The following MGAT4C variants were observed in gnomAD, a reference collection of about 807,000 sequenced individuals.
MGAT4C encodes MGAT4 family member C.
A neutral mutation model predicts 40.1 loss-of-function variants in MGAT4C; 19 were observed. The ratio of observed to expected loss-of-function variants is 0.47; its 90% confidence interval spans 0.33 to 0.70. The LOEUF (loss-of-function observed/expected upper bound fraction) is 0.70. Among genes scored for constraint, MGAT4C ranks in the 30% least tolerant of loss-of-function variants. The pLI, the probability that MGAT4C is intolerant of heterozygous loss-of-function variation, is 0.02. For synonymous variants in MGAT4C, 181 were observed against 187.1 expected, an observed-to-expected ratio of 0.97 and a Z score of 0.27; for missense variants, 491 against 563.2, an observed-to-expected ratio of 0.87 and a Z score of 1.30.
Position 86,817,858 on chromosome 12 carries a change from T to C in MGAT4C, c.-262+20808A>G, listed in dbSNP as rs148221046. ...ATGCATTGGCTTTGATTTTAATCTG[T>C]ACACTAGGATAGAGTGTGGGCCTTT... is the stretch of plus-strand genomic sequence containing the variant. On this transcript the variant is annotated intron_variant, in intron 1 of 7. Coordinates refer to the MGAT4C transcript ENST00000548651. Among the ~76,000 whole-genome samples the C allele has an allele frequency of 1.2e-3, 180 of 151,616 alleles. 1 individual carries two copies. Among genetic ancestry groups the C allele is most frequent in the Middle Eastern group, 3.4e-3 (1 of 294 alleles).
chr12:86,405,968 CATAT>C (rs71076196), intron 3 of MGAT4C, among the ~76,000 whole-genome samples: 1 of 65,952 alleles, frequency 1.5e-5, no homozygotes, highest in Non-Finnish European at 3.0e-5. Flanking sequence ...TTATATTATA[CATAT>C]ATATATATAT....
intron 2 of MGAT4C, among the ~76,000 whole-genome samples, chr12:86,574,748 G>T (rs1228529490): frequency 1.3e-5 from 2 of 151,648 alleles, no homozygotes; most frequent in African/African-American, 4.8e-5. Flanking sequence ...GTGTGTGCCA[G>T]GCAAGTATAT....
intron 2 of MGAT4C, among the ~76,000 whole-genome samples, chr12:86,534,995 T>A (rs555353517): frequency 3.9e-5 from 6 of 152,134 alleles, no homozygotes; most frequent in African/African-American, 1.2e-4. Context: ...TAGGAAAAAA[T>A]TTCATGCAAA....
intron 3 of MGAT4C, among the ~76,000 whole-genome samples, chr12:86,350,746 G>C (rs1222526127): frequency 6.6e-6 from 1 of 152,040 alleles, no homozygotes; most frequent in Non-Finnish European, 1.5e-5. Context: ...TCAAATATTT[G>C]TAATAGCAAC....
At chr12:86,747,342 T>C (rs928485927) in intron 1 of MGAT4C, among the ~76,000 whole-genome samples, 2 of 151,652 alleles carry the variant, frequency 1.3e-5, no homozygotes, top group Admixed American at 6.6e-5. Flanking sequence ...TTAGAGAATT[T>C]AAATGGCTGT....
At chr12:86,347,619 C>T (rs1486453453) in intron 3 of MGAT4C, among the ~76,000 whole-genome samples, 1 of 152,124 alleles carries the variant, frequency 6.6e-6, no homozygotes, top group Non-Finnish European at 1.5e-5. Context: ...AAGACATTTT[C>T]ATATTTAAGT....
chr12:86,309,147 C>T (rs1954009667), intron 4 of MGAT4C, among the ~76,000 whole-genome samples: 1 of 150,458 alleles, frequency 6.6e-6, no homozygotes, highest in Non-Finnish European at 1.5e-5. Context: ...CTTTAACTTG[C>T]TTGCTGATTC....
intron 2 of MGAT4C, among the ~76,000 whole-genome samples, chr12:86,523,954 C>A (rs780516956): frequency 6.6e-6 from 1 of 151,980 alleles, no homozygotes; most frequent in Non-Finnish European, 1.5e-5. Context: ...TTTCTTCATC[C>A]CTTTATTTTG....
chr12:86,353,710 A>C (rs1300801231), intron 3 of MGAT4C, among the ~76,000 whole-genome samples: 1 of 152,188 alleles, frequency 6.6e-6, no homozygotes, highest in Non-Finnish European at 1.5e-5. Flanking sequence ...TAAAATACTC[A>C]GAAAATAATC....
intron 1 of MGAT4C, among the ~76,000 whole-genome samples, chr12:86,165,503 A>G (rs17357233): frequency 0.073 from 11,073 of 152,206 alleles, 570 homozygotes; most frequent in Middle Eastern, 0.23. Flanking sequence ...CCATTTGTTC[A>G]TATGTTCACA....
In MGAT4C at chr12:86,665,670, C is replaced by T. The variant is rs767761773; in HGVS notation, c.-229+61539G>A. On this transcript the variant is annotated intron_variant, in intron 2 of 7. Coordinates refer to the MGAT4C transcript ENST00000548651. ...ACAGGCGTGAGCCACCGCTCCCAGC[C>T]GGAAAAGTTATACAACTTTTATACA... Among the ~76,000 whole-genome samples, 16 of 151,972 alleles carry T rather than the reference C, an allele frequency of 1.1e-4. 1 individual carries two copies. The highest frequency in any genetic ancestry group is 3.9e-4 in the African/African-American group (16 of 41,368).
chr12:86,140,507 G>A (rs1298822227), intron 1 of MGAT4C, among the ~76,000 whole-genome samples: 10 of 152,024 alleles, frequency 6.6e-5, no homozygotes, highest in South Asian at 2.1e-4. Context: ...GGGGCCTGTC[G>A]GGGGGTGGGA....
At chr12:86,203,014 CTG>C (rs10587166) in intron 1 of MGAT4C, among the ~76,000 whole-genome samples, 9,600 of 147,340 alleles carry the variant, frequency 0.065, 330 homozygotes, top group Middle Eastern at 0.16. Flanking sequence ...TCACATTTTC[CTG>C]TGTGTGTGTG....
At chr12:86,821,421 A>G (rs1952705034) in intron 1 of MGAT4C, among the ~76,000 whole-genome samples, 1 of 150,986 alleles carries the variant, frequency 6.6e-6, no homozygotes, top group African/African-American at 2.4e-5. Context: ...TTTTGATATT[A>G]TACAAGCATA....
Position 86,034,572 on chromosome 12 carries a change from G to T in MGAT4C, c.-7+15102C>A, listed in dbSNP as rs112015630. On this transcript the variant is annotated intron_variant, in intron 2 of 4. Transcript: ENST00000611864. ...TAGTCTCTGAGGGTTTTTTGTTGTT[G>T]TTTTTTTTAAATTTTTTTTTATTAT... Among the ~76,000 whole-genome samples the T allele has an allele frequency of 1.7e-4, 17 of 101,636 alleles. 1 individual carries two copies. Among genetic ancestry groups the T allele is most frequent in the Non-Finnish European group, 2.4e-4 (9 of 37,706 alleles). 66.7% of individuals were successfully genotyped at this position (101,636 alleles called of 152,430 possible).
At chr12:86,587,709 A>T (rs1297467615) in intron 2 of MGAT4C, among the ~76,000 whole-genome samples, 5 of 151,770 alleles carry the variant, frequency 3.3e-5, no homozygotes, top group African/African-American at 1.2e-4. Flanking sequence ...TCTTTGAAGC[A>T]ATTGTGAATG....
chr12:86,522,968 TTG>T (rs1468068049), intron 2 of MGAT4C, among the ~76,000 whole-genome samples: 4 of 152,116 alleles, frequency 2.6e-5, no homozygotes, highest in African/African-American at 9.7e-5. Flanking sequence ...TCATTTCTAA[TTG>T]TGTTTATCTG....
chr12:86,425,031 C>G (rs1956900121), intron 3 of MGAT4C, among the ~76,000 whole-genome samples: 1 of 152,150 alleles, frequency 6.6e-6, no homozygotes, highest in Non-Finnish European at 1.5e-5. Flanking sequence ...GCTGTGATAA[C>G]AGCCGTGAGT....
rs939219187 is a variant in MGAT4C at position 85,957,125 on chromosome 12, C to T, written c.*22164G>A. 5.3e-5 allele frequency: 8 copies of T among 152,090 alleles called. No homozygotes were observed. The highest frequency in any genetic ancestry group is 1.9e-4 in the African/African-American group (8 of 41,412). The allele number at this position is 152,090 out of a possible 1,614,324, so 9.4% of individuals were successfully genotyped here. A position where few individuals can be genotyped will look rare whatever the true frequency, so the allele number is the denominator to read the frequency against. On this transcript the variant is annotated 3_prime_UTR_variant, in exon 5 of 5. Transcript: ENST00000611864. ...TATCTATATTTCCTCATAGCAGCTC[C>T]TCTTAAAGACTGTTAGTCAGAACTC... is the stretch of plus-strand genomic sequence containing the variant.
Sources: gnomAD v4.1 joint callset for allele counts (sites outside exome capture counted in the v4.1 genomes callset) on GRCh38, gnomAD v4.1.1 for gene constraint, MANE v1.5 for transcripts, NCBI Gene and HGNC (gene_info 2026-07-23, HGNC 2026-07-21) for gene names.